MAGI2: variants seen among roughly 807,000 people sequenced by gnomAD.
MAGI2 encodes the protein membrane associated guanylate kinase, WW and PDZ domain containing 2, also known as membrane-associated guanylate kinase, WW and PDZ domain-containing protein 2.
Under a neutral mutation model 133.3 loss-of-function variants are expected in MAGI2, and 35 were observed. The ratio of observed to expected loss-of-function variants is 0.26; its 90% CI spans 0.20 to 0.35. The LOEUF (loss-of-function observed/expected upper bound fraction) is 0.35. Ranked by LOEUF, MAGI2 falls within the 10% of genes least tolerant of loss-of-function variation. MAGI2 has a pLI of 1.00. For missense variants in MAGI2, 1,636 were observed against 1,863.4 expected, an observed-to-expected ratio of 0.88 and a Z score of 2.25; for synonymous variants, 729 against 710.6, an observed-to-expected ratio of 1.03 and a Z score of -0.41.
chr7:78,641,638 A>C (rs1810322339), intron 2 of MAGI2, among the ~76,000 whole-genome samples: 1 of 150,500 alleles, frequency 6.6e-6, no homozygotes, highest in South Asian at 2.1e-4. Context: ...AAGAGAGAAA[A>C]ATATGACCAT....
At chr7:78,809,231 C>T (rs569710474) in intron 2 of MAGI2, among the ~76,000 whole-genome samples, 87 of 152,266 alleles carry the variant, frequency 5.7e-4, no homozygotes, top group Admixed American at 6.5e-4. Context: ...ATACACTCCA[C>T]AAATGAAGTG....
chr7:78,785,490 G>A (rs373593506), intron 2 of MAGI2, among the ~76,000 whole-genome samples: 77 of 152,264 alleles, frequency 5.1e-4, no homozygotes, highest in African/African-American at 1.7e-3. Context: ...TCATGTCAGA[G>A]GTGCTGCCTT....
chr7:78,646,630 T>C (rs952912913), intron 2 of MAGI2, among the ~76,000 whole-genome samples: 3 of 152,232 alleles, frequency 2.0e-5, no homozygotes, highest in Non-Finnish European at 2.9e-5. Flanking sequence ...ATGCTATCTA[T>C]ACTTGGCCTT....
chr7:79,172,237 TA>T (rs1433047657), intron 1 of MAGI2, among the ~76,000 whole-genome samples: 2 of 152,192 alleles, frequency 1.3e-5, no homozygotes, highest in Admixed American at 6.6e-5. Flanking sequence ...GTGTGAATCT[TA>T]AAACTATAAG....
intron 1 of MAGI2, among the ~76,000 whole-genome samples, chr7:79,050,094 T>C (rs1196663807): frequency 6.6e-6 from 1 of 152,134 alleles, no homozygotes; most frequent in Non-Finnish European, 1.5e-5. Flanking sequence ...ATTTGCTTCT[T>C]TCAGGGGCCC....
At position 78,185,679 on chromosome 7, in the gene MAGI2, GA is replaced by G; in HGVS notation, c.2270-10del. On this transcript the variant is annotated splice_polypyrimidine_tract_variant and intron_variant, in intron 12 of 21. Coordinates refer to ENST00000354212, the MANE Select transcript of MAGI2 (RefSeq NM_012301.4). ...CCTGGGTGGCACTTGTTCTGGATGG[GA>G]AAATGGGGAATTAAAGTTGAAATTC... 4 of 1,560,128 alleles carry G rather than the reference GA, an allele frequency of 2.6e-6. No individual in the cohort carries two copies. The highest frequency in any genetic ancestry group is 2.3e-5 in the East Asian group (1 of 44,138).
intron 3 of MAGI2, among the ~76,000 whole-genome samples, chr7:78,562,802 C>G (rs571454940): frequency 2.2e-4 from 33 of 152,308 alleles, no homozygotes; most frequent in African/African-American, 7.9e-4. Context: ...CATGAATTTA[C>G]TGTTCCTAAC....
intron 16 of MAGI2, 138 bp downstream of exon 16, chr7:78,159,887 T>C (rs750571811): frequency 8.6e-6 from 10 of 1,159,830 alleles, no homozygotes; most frequent in Non-Finnish European, 1.2e-5. Flanking sequence ...GATGCCTTAT[T>C]TGTGCCCACA....
At chr7:78,894,046 C>T (rs1797000978) in intron 2 of MAGI2, among the ~76,000 whole-genome samples, 1 of 152,148 alleles carries the variant, frequency 6.6e-6, no homozygotes, top group Non-Finnish European at 1.5e-5. Flanking sequence ...GCACTACCTT[C>T]AGTTTTCAAT....
intron 12 of MAGI2, among the ~76,000 whole-genome samples, chr7:78,186,679 A>C (rs1001309814): frequency 1.3e-5 from 2 of 152,204 alleles, no homozygotes; most frequent in Non-Finnish European, 2.9e-5. Flanking sequence ...AGTGACTTGC[A>C]TAAGGTATTC....
chr7:78,597,405 T>C (rs1222065194), intron 3 of MAGI2, among the ~76,000 whole-genome samples: 1 of 151,848 alleles, frequency 6.6e-6, no homozygotes, highest in Non-Finnish European at 1.5e-5. Flanking sequence ...TAATTTTAGA[T>C]TTGGATCCCA....
intron 7 of MAGI2, among the ~76,000 whole-genome samples, chr7:78,348,708 G>C (rs1201236254): frequency 6.6e-6 from 1 of 152,098 alleles, no homozygotes; most frequent in Non-Finnish European, 1.5e-5. Flanking sequence ...ATACAATTAA[G>C]TTATTATTCA....
chr7:79,412,246 A>G (rs1306588004), intron 1 of MAGI2: 1 of 152,066 alleles, frequency 6.6e-6, no homozygotes, highest in East Asian at 1.9e-4. Context: ...TTAAAAAAGC[A>G]CCCTAAGTTG....
chr7:78,805,958 A>G (rs903738225), intron 2 of MAGI2, among the ~76,000 whole-genome samples: 2 of 152,148 alleles, frequency 1.3e-5, no homozygotes, highest in Non-Finnish European at 2.9e-5. Flanking sequence ...TCACTGTGGA[A>G]TTTGTAGCAA....
chr7:78,634,546 T>C (rs751756884), intron 2 of MAGI2, among the ~76,000 whole-genome samples: 4 of 152,148 alleles, frequency 2.6e-5, no homozygotes, highest in Non-Finnish European at 5.9e-5. Flanking sequence ...ATAAGGAAAA[T>C]ATATGTGATA....
chr7:78,497,766 T>TCTATCTATCTGTCTATCTATCTATCTA (rs1385517709), intron 5 of MAGI2, among the ~76,000 whole-genome samples: 77 of 135,416 alleles, frequency 5.7e-4, no homozygotes, highest in African/African-American at 1.9e-3. Context: ...CTATCTATCT[T>TCTATCTATCTGTCTATCTATCTATCTA]TCTATCTTAT....
chr7:78,419,866 C>G (rs1309318936), intron 6 of MAGI2, among the ~76,000 whole-genome samples: 4 of 152,058 alleles, frequency 2.6e-5, no homozygotes, highest in Admixed American at 2.6e-4. Context: ...TGGAGAGTAG[C>G]ATTGAAGAAC....
chr7:78,668,921 G>C (rs915855859), intron 2 of MAGI2, among the ~76,000 whole-genome samples: 1 of 151,964 alleles, frequency 6.6e-6, no homozygotes, highest in Admixed American at 6.6e-5. Context: ...ATTCAAAGCA[G>C]TGCGCAGAGG....
intron 1 of MAGI2, among the ~76,000 whole-genome samples, chr7:79,082,898 G>T: frequency 6.6e-6 from 1 of 151,530 alleles, no homozygotes. Flanking sequence ...GCAATGTTTT[G>T]TTTTGTACAT....
Sources: gnomAD v4.1 joint callset for allele counts (sites outside exome capture counted in the v4.1 genomes callset) on GRCh38, gnomAD v4.1.1 for gene constraint, MANE v1.5 for transcripts, NCBI Gene and HGNC (gene_info 2026-07-23, HGNC 2026-07-21) for gene names.